POLR3B: variants seen among roughly 807,000 people sequenced by gnomAD.
POLR3B encodes the protein RNA polymerase III subunit B.
A neutral mutation model predicts 147.4 loss-of-function variants in POLR3B; 96 were observed. The ratio of observed to expected loss-of-function variants is 0.65; its 90% CI spans 0.55 to 0.77. POLR3B has a LOEUF of 0.77. POLR3B is among the 30% of genes least tolerant of loss of function. The pLI is 0.00. For missense variants in POLR3B, 1,036 were observed against 1,413.5 expected (o/e 0.73, Z 4.28); for synonymous variants, 461 against 485.9 (o/e 0.95, Z 0.67).
intron 16 of POLR3B, among the ~76,000 whole-genome samples, chr12:106,435,889 A>C (rs2037570314): frequency 6.6e-6 from 1 of 152,204 alleles, no homozygotes; most frequent in Non-Finnish European, 1.5e-5. Context: ...TAACAGATCT[A>C]GCAGGAAAAA....
chr12:106,427,468 C>T (rs1287800970), intron 13 of POLR3B, 110 bp downstream of exon 13: 13 of 993,962 alleles, frequency 1.3e-5, no homozygotes, highest in South Asian at 4.2e-5. Context: ...TATATCAAAA[C>T]GAATGTTTAC....
At chr12:106,381,442 T>C (rs1266464126) in intron 9 of POLR3B, among the ~76,000 whole-genome samples, 1 of 152,230 alleles carries the variant, frequency 6.6e-6, no homozygotes, top group Non-Finnish European at 1.5e-5. Flanking sequence ...CAACAATGTA[T>C]ACAGCCTCTT....
chr12:106,415,521 A>G (rs138040362), intron 12 of POLR3B, among the ~76,000 whole-genome samples: 1 of 152,308 alleles, frequency 6.6e-6, no homozygotes, highest in Non-Finnish European at 1.5e-5. Flanking sequence ...AAGCACTAGC[A>G]TGCTCCTAAT....
intron 12 of POLR3B, among the ~76,000 whole-genome samples, chr12:106,413,946 T>C (rs1268232882): frequency 6.6e-6 from 1 of 152,060 alleles, no homozygotes; most frequent in Non-Finnish European, 1.5e-5. Context: ...TTGCATTTTA[T>C]GATGAAAATT....
At position 106,378,287 on chromosome 12, in the gene POLR3B, G is replaced by C; in HGVS notation, c.517G>C (p.Gly173Arg). ...LDPGGYFIVK[G>R]VEKVILIQEQ... ...GGTAGGTGGCTACTTCATTGTTAAAGGAGTAGAAAAAGTTATTCTTATCCA... is the reference window on the plus strand; with the variant it reads ...GGTAGGTGGCTACTTCATTGTTAAACGAGTAGAAAAAGTTATTCTTATCCA... The change falls in exon 8 of 28, where the codon GGA becomes CGA. Residue 173 changes from glycine to arginine, a missense_variant. Gly to Arg is a moderately radical substitution (Grantham distance 125, BLOSUM62 -2). This residue lies in a region of POLR3B where 217 missense variants were observed against 288.7 expected (regional missense o/e 0.75). Transcript: ENST00000228347. 6.2e-7 allele frequency: 1 copy of C among 1,611,938 alleles called. No homozygotes were observed. The highest frequency in any genetic ancestry group is 8.5e-7 in the Non-Finnish European group (1 of 1,178,090).
intron 19 of POLR3B, among the ~76,000 whole-genome samples, chr12:106,445,057 G>A (rs997427816): frequency 6.6e-6 from 1 of 152,190 alleles, no homozygotes; most frequent in Non-Finnish European, 1.5e-5. Flanking sequence ...AATTGCTAGT[G>A]TATCTCCTAA....
intron 18 of POLR3B, among the ~76,000 whole-genome samples, 192 bp downstream of exon 18, chr12:106,437,971 T>C (rs1167958965): frequency 1.3e-5 from 2 of 152,190 alleles, no homozygotes; most frequent in South Asian, 2.1e-4. Flanking sequence ...GGTGGTTTGC[T>C]GTACCTATCA....
intron 11 of POLR3B, among the ~76,000 whole-genome samples, chr12:106,408,076 A>G (rs2037173646): frequency 6.6e-6 from 1 of 152,222 alleles, no homozygotes; most frequent in African/African-American, 2.4e-5. Context: ...TACAACTAGC[A>G]CATCAAATCC....
At chr12:106,497,112 GTTTTTCATGAT>G (rs2038502654) in intron 25 of POLR3B, among the ~76,000 whole-genome samples, 194 bp downstream of exon 25, 1 of 144,798 alleles carries the variant, frequency 6.9e-6, no homozygotes, top group Non-Finnish European at 1.5e-5. Flanking sequence ...CATTATGAGA[GTTTTTCATGAT>G]TTAAAAAAAA....
intron 8 of POLR3B, among the ~76,000 whole-genome samples, chr12:106,379,714 A>G (rs187929038): frequency 2.6e-5 from 4 of 152,342 alleles, no homozygotes; most frequent in East Asian, 1.9e-4. Flanking sequence ...GGCCTTGTAT[A>G]TATGCTCTAC....
chr12:106,413,617 G>C (rs1216900802), intron 12 of POLR3B, among the ~76,000 whole-genome samples: 3 of 151,760 alleles, frequency 2.0e-5, no homozygotes, highest in Non-Finnish European at 2.9e-5. Context: ...TTATTCTGCA[G>C]TTTTCTTTAT....
chr12:106,376,251 A>C, intron 6 of POLR3B, 108 bp from the exon 7 acceptor site: 1 of 765,960 alleles, frequency 1.3e-6, no homozygotes. Context: ...AACATGGTGC[A>C]TAGATAGACC....
At chr12:106,469,072 G>A (rs980235446) in intron 23 of POLR3B, among the ~76,000 whole-genome samples, 1 of 152,102 alleles carries the variant, frequency 6.6e-6, no homozygotes, top group African/African-American at 2.4e-5. Context: ...TTTTTTGGGA[G>A]CTTAAGTCTC....
intron 23 of POLR3B, among the ~76,000 whole-genome samples, chr12:106,491,802 T>A (rs2038411097): frequency 2.0e-5 from 3 of 152,166 alleles, no homozygotes; most frequent in Non-Finnish European, 2.9e-5. Flanking sequence ...AACCTCTACT[T>A]CCCCAGCAAT....
intron 18 of POLR3B, among the ~76,000 whole-genome samples, chr12:106,438,623 T>A (rs2037610308): frequency 6.6e-6 from 1 of 152,040 alleles, no homozygotes; most frequent in Admixed American, 6.6e-5. Context: ...GTCTCCTGAG[T>A]AGTTGGGATT....
At chr12:106,507,554 A>G (rs542893162) in intron 27 of POLR3B, 1 of 270,364 alleles carries the variant, frequency 3.7e-6, no homozygotes, top group Non-Finnish European at 7.3e-6. Flanking sequence ...ACCCAAGCAC[A>G]TTAAAAACGT....
At chr12:106,424,938 C>T (rs550493316) in intron 12 of POLR3B, among the ~76,000 whole-genome samples, 1 of 152,178 alleles carries the variant, frequency 6.6e-6, no homozygotes, top group African/African-American at 2.4e-5. Flanking sequence ...TTTTCAGTTG[C>T]TTTGTGTTTA....
chr12:106,438,116 C>T (rs1483510747), intron 18 of POLR3B, among the ~76,000 whole-genome samples: 1 of 152,066 alleles, frequency 6.6e-6, no homozygotes, highest in Admixed American at 6.6e-5. Flanking sequence ...TGTTCAGCTT[C>T]CACCTGTGAG....
At chr12:106,421,013 A>G (rs147421416) in intron 12 of POLR3B, among the ~76,000 whole-genome samples, 2,319 of 152,202 alleles carry the variant, frequency 0.015, 34 homozygotes, top group Non-Finnish European at 0.024. Flanking sequence ...AGCTTTGCTT[A>G]CTTTTGAACT....
Sources: allele counts gnomAD v4.1 joint callset (sites outside exome capture counted in the v4.1 genomes callset), GRCh38; gene constraint gnomAD v4.1.1; regional missense constraint gnomAD v4.1.1; transcripts MANE v1.5; gene names NCBI Gene and HGNC (gene_info 2026-07-23, HGNC 2026-07-21).